The following RPTOR variants were observed in gnomAD, a reference collection of about 807,000 sequenced individuals.
The protein encoded by RPTOR is regulatory-associated protein of mTOR.
In RPTOR, 21 loss-of-function variants were observed where a neutral mutation model predicts 169.9. The observed-to-expected ratio is 0.12, with a 90% CI of 0.09 to 0.18. The LOEUF is 0.18. Among genes scored for constraint, RPTOR ranks in the 10% least tolerant of loss-of-function variants. The probability of loss-of-function intolerance (pLI) is 1.00; values close to 1 mark genes in which losing one functional copy is unlikely to be tolerated. For synonymous variants in RPTOR, 732 were observed against 753.2 expected (o/e 0.97, Z 0.46); for missense variants, 1,133 against 1,855.9 (o/e 0.61, Z 7.16).
intron 4 of RPTOR, among the ~76,000 whole-genome samples, chr17:80,719,102 A>G (rs1385222566): frequency 2.0e-5 from 3 of 152,202 alleles, no homozygotes; most frequent in Non-Finnish European, 2.9e-5. Context: ...CCGGAGGTCC[A>G]TGAGTATGGG....
intron 20 of RPTOR, among the ~76,000 whole-genome samples, chr17:80,905,552 C>T (rs113054768): frequency 0.018 from 2,762 of 151,084 alleles, 95 homozygotes; most frequent in African/African-American, 0.063. Context: ...GCCGGGATCG[C>T]GCTGCTGCAC....
Position 80,957,443 on chromosome 17 carries a change from C to T in RPTOR, c.3371-181C>T, listed in dbSNP as rs890350925. 2.6e-5 allele frequency among the ~76,000 whole-genome samples: 4 copies of T among 152,240 alleles called. No homozygotes were observed. The highest frequency in any genetic ancestry group is 2.1e-4 in the South Asian group (1 of 4,834). Reference sequence around the variant, plus strand: ...CTCAGAATTGTCACCCCAGCCTGGACGTGGGGCACACCAGGGTCCCTAGCG... The same window carrying T: ...CTCAGAATTGTCACCCCAGCCTGGATGTGGGGCACACCAGGGTCCCTAGCG... On this transcript the variant is annotated intron_variant, in intron 28 of 33. Coordinates refer to ENST00000306801, the MANE Select transcript of RPTOR (RefSeq NM_020761.3). The surrounding 1 kb of genome is among the most constrained non-coding windows in gnomAD (Gnocchi z 4.6).
intron 21 of RPTOR, among the ~76,000 whole-genome samples, chr17:80,912,913 C>T (rs1161376123): frequency 6.6e-6 from 1 of 152,146 alleles, no homozygotes; most frequent in Non-Finnish European, 1.5e-5. Context: ...GCAGACATGC[C>T]ACAGCCAGAG....
intron 20 of RPTOR, among the ~76,000 whole-genome samples, chr17:80,905,952 G>A (rs1404404979): frequency 6.6e-6 from 1 of 152,228 alleles, no homozygotes; most frequent in Non-Finnish European, 1.5e-5. Flanking sequence ...CCCTTCACGG[G>A]GCAGTCGAGC....
chr17:80,679,938 G>A (rs953197473), intron 3 of RPTOR, among the ~76,000 whole-genome samples: 1 of 152,200 alleles, frequency 6.6e-6, no homozygotes, highest in Admixed American at 6.5e-5. Context: ...GAGAGGCGGA[G>A]GGAGCCCCAT....
intron 3 of RPTOR, among the ~76,000 whole-genome samples, chr17:80,687,343 C>G (rs1408142348): frequency 6.6e-6 from 1 of 152,212 alleles, no homozygotes; most frequent in East Asian, 1.9e-4. Context: ...GTCATCTGAT[C>G]GAGCCACAGT....
chr17:80,884,456 G>A (rs1290568283), intron 16 of RPTOR, among the ~76,000 whole-genome samples: 1 of 152,198 alleles, frequency 6.6e-6, no homozygotes, highest in East Asian at 1.9e-4. Flanking sequence ...CAGTGCACAG[G>A]GTGTTGCTCA....
At chr17:80,619,319 A>T (rs2065337845) in intron 1 of RPTOR, among the ~76,000 whole-genome samples, 1 of 152,326 alleles carries the variant, frequency 6.6e-6, no homozygotes, top group Admixed American at 6.5e-5. Context: ...TTCATTCTGC[A>T]TGGTGACTTA....
chr17:80,952,340 T>C (rs1208535327), intron 28 of RPTOR, among the ~76,000 whole-genome samples: 1 of 152,176 alleles, frequency 6.6e-6, no homozygotes, highest in Admixed American at 6.5e-5. Flanking sequence ...CGTCAGGTGC[T>C]CACGGAGGGC....
At chr17:80,564,550 A>G (rs528636004) in intron 1 of RPTOR, among the ~76,000 whole-genome samples, 2 of 151,434 alleles carry the variant, frequency 1.3e-5, no homozygotes, top group East Asian at 1.9e-4. Flanking sequence ...AACTCACGTC[A>G]CAGTGGTTTG....
intron 11 of RPTOR, among the ~76,000 whole-genome samples, chr17:80,850,829 CA>C (rs1222175485): frequency 5.3e-5 from 8 of 152,234 alleles, no homozygotes; most frequent in African/African-American, 1.9e-4. Context: ...CCCTGGCCTG[CA>C]GCACCTGGCA....
chr17:80,610,817 G>T (rs1220490076), intron 1 of RPTOR, among the ~76,000 whole-genome samples: 2 of 152,148 alleles, frequency 1.3e-5, no homozygotes, highest in African/African-American at 4.8e-5. Context: ...GACTTCTGTC[G>T]TACTGAAGGT....
intron 21 of RPTOR, 134 bp downstream of exon 21, chr17:80,909,063 T>G: frequency 1.4e-6 from 1 of 693,298 alleles, no homozygotes; most frequent in South Asian, 1.6e-5. Context: ...GCAAATATCT[T>G]AAATCTGGAG....
At chr17:80,850,214 G>T (rs1036462513) in intron 11 of RPTOR, among the ~76,000 whole-genome samples, 5 of 152,102 alleles carry the variant, frequency 3.3e-5, no homozygotes, top group Admixed American at 6.5e-5. Context: ...TCAGCCCCTC[G>T]CACCTTTTGG....
intron 1 of RPTOR, among the ~76,000 whole-genome samples, chr17:80,623,075 C>T (rs2065367174): frequency 1.3e-5 from 2 of 152,148 alleles, no homozygotes; most frequent in Non-Finnish European, 1.5e-5. Context: ...TCGCCAGCAT[C>T]ATTCTGAACA....
intron 24 of RPTOR, among the ~76,000 whole-genome samples, 175 bp downstream of exon 24, chr17:80,925,655 G>T (rs569045779): frequency 3.1e-4 from 47 of 152,346 alleles, no homozygotes; most frequent in African/African-American, 1.1e-3. Context: ...TTACCTTCCT[G>T]TCGCCAAACG....
intron 10 of RPTOR, among the ~76,000 whole-genome samples, chr17:80,840,641 G>A (rs2067626416): frequency 1.3e-5 from 1 of 77,968 alleles, no homozygotes; most frequent in African/African-American, 3.8e-5. Flanking sequence ...TCACCGCACG[G>A]CAGCTCACTC....
chr17:80,698,382 G>A (rs114790517), intron 3 of RPTOR, among the ~76,000 whole-genome samples: 188 of 151,776 alleles, frequency 1.2e-3, no homozygotes, highest in East Asian at 0.011. Context: ...GAAAAGTGAC[G>A]GGACGGAGCA....
chr17:80,701,276 G>A (rs1263615696), intron 3 of RPTOR, among the ~76,000 whole-genome samples: 1 of 152,194 alleles, frequency 6.6e-6, no homozygotes, highest in African/African-American at 2.4e-5. Context: ...TCATGGGAAA[G>A]GGCACAGGTT....
Sources: allele counts gnomAD v4.1 joint callset (sites outside exome capture counted in the v4.1 genomes callset), GRCh38; gene constraint gnomAD v4.1.1; non-coding constraint Gnocchi (gnomAD v3.1); transcripts MANE v1.5; gene names NCBI Gene and HGNC (gene_info 2026-07-23, HGNC 2026-07-21).